HECW1: variants seen among roughly 807,000 people sequenced by gnomAD.
HECW1 encodes HECT, C2 and WW domain containing E3 ubiquitin protein ligase 1.
Under a neutral mutation model 182.3 loss-of-function variants are expected in HECW1, and 61 were observed. The observed-to-expected ratio is 0.33, with a 90% CI of 0.27 to 0.41. HECW1 has a LOEUF of 0.41. Ranked by LOEUF, HECW1 falls within the 10% of genes least tolerant of loss-of-function variation. The probability of loss-of-function intolerance (pLI) is 1.00; values close to 1 mark genes in which losing one functional copy is unlikely to be tolerated. For missense variants in HECW1, 1,739 were observed against 2,108.9 expected, an observed-to-expected ratio of 0.82 and a Z score of 3.44; for synonymous variants, 859 against 832.6, an observed-to-expected ratio of 1.03 and a Z score of -0.55.
intron 9 of HECW1, 32 bp from the exon 10 acceptor site, chr7:43,442,497 C>G (rs1458104734): frequency 6.7e-7 from 1 of 1,489,936 alleles, no homozygotes; most frequent in Non-Finnish European, 9.3e-7. Context: ...GAGGTATTGA[C>G]CAGAACTGTG....
rs186683429 is a variant in HECW1, at chr7:43,409,312, C to T, written c.801+1581C>T. On this transcript the variant is annotated intron_variant, in intron 8 of 29. Transcript: ENST00000395891. ...TCTTAATTTGTTTCTTCAGTCCTGCCTGTGTTCATCAATTATTTCTGAACT... is the reference window on the plus strand; with the variant it reads ...TCTTAATTTGTTTCTTCAGTCCTGCTTGTGTTCATCAATTATTTCTGAACT... Among the ~76,000 whole-genome samples the T allele has an allele frequency of 6.0e-4, 91 of 152,300 alleles. 1 individual carries two copies. Among genetic ancestry groups the T allele is most frequent in the African/African-American group, 2.2e-3 (90 of 41,566 alleles).
intron 8 of HECW1, among the ~76,000 whole-genome samples, chr7:43,436,868 T>C (rs2076729805): frequency 6.6e-6 from 1 of 152,186 alleles, no homozygotes; most frequent in African/African-American, 2.4e-5. Context: ...TTAAAATTTT[T>C]GTGTATATTG....
chr7:43,160,484 A>G (rs919594333), intron 2 of HECW1, among the ~76,000 whole-genome samples: 4 of 152,132 alleles, frequency 2.6e-5, no homozygotes, highest in Non-Finnish European at 5.9e-5. Context: ...TTGATAAAAG[A>G]GAGATATAAT....
intron 5 of HECW1, among the ~76,000 whole-genome samples, chr7:43,359,105 C>T (rs915072926): frequency 3.0e-4 from 46 of 152,248 alleles, no homozygotes; most frequent in African/African-American, 9.4e-4. Flanking sequence ...GGATTACAGG[C>T]GTGAGCCACC....
intron 19 of HECW1, among the ~76,000 whole-genome samples, chr7:43,496,603 C>T (rs1206198811): frequency 6.6e-6 from 1 of 152,134 alleles, no homozygotes; most frequent in Non-Finnish European, 1.5e-5. Flanking sequence ...CTCCTCAGGA[C>T]CCCACCCAGA....
At chr7:43,536,485 C>T (rs1445143589) in intron 24 of HECW1, among the ~76,000 whole-genome samples, 1 of 152,226 alleles carries the variant, frequency 6.6e-6, no homozygotes, top group Non-Finnish European at 1.5e-5. Context: ...CGCCTTGCCT[C>T]CTCTCCTCAG....
rs750047071 is a variant in HECW1, at chr7:43,198,769, TCTCA to T, written c.-31-45104_-31-45101del. Among the ~76,000 whole-genome samples the T allele has an allele frequency of 2.9e-5, 4 of 139,824 alleles. No individual in the cohort carries two copies. In the Admixed American group the frequency reaches 2.9e-4, roughly 10 times the overall value. 91.7% of individuals were successfully genotyped at this position (139,824 alleles called of 152,430 possible). ...TCACACACTATAGATTTGCACACTC[TCTCA>T]CACACACTCCACACTCACGTGCACA... On this transcript the variant is annotated intron_variant, in intron 2 of 29. Coordinates refer to ENST00000395891, the MANE Select transcript of HECW1 (RefSeq NM_015052.5).
At chr7:43,212,569 T>TA (rs1796094113) in intron 2 of HECW1, among the ~76,000 whole-genome samples, 1 of 152,218 alleles carries the variant, frequency 6.6e-6, no homozygotes, top group Non-Finnish European at 1.5e-5. Flanking sequence ...CCAAGGCTAT[T>TA]ACGCTGCACT....
intron 4 of HECW1, 94 bp downstream of exon 4, chr7:43,312,181 G>T: frequency 3.4e-6 from 4 of 1,165,968 alleles, no homozygotes; most frequent in Non-Finnish European, 3.6e-6. Flanking sequence ...AAATATACAA[G>T]CAACTGTGTT....
chr7:43,267,409 T>C (rs1241264331), intron 3 of HECW1, among the ~76,000 whole-genome samples: 2 of 152,098 alleles, frequency 1.3e-5, no homozygotes, highest in Non-Finnish European at 2.9e-5. Flanking sequence ...ATAATGTCAA[T>C]ATAATAATTA....
intron 4 of HECW1, among the ~76,000 whole-genome samples, chr7:43,318,635 T>C (rs559303355): frequency 1.3e-5 from 2 of 152,356 alleles, no homozygotes; most frequent in African/African-American, 4.8e-5. Context: ...GTGACACTAT[T>C]GGCAAATGGC....
chr7:43,237,684 G>A (rs1647186703), intron 2 of HECW1, among the ~76,000 whole-genome samples: 1 of 152,152 alleles, frequency 6.6e-6, no homozygotes, highest in Non-Finnish European at 1.5e-5. Context: ...CAGCTATGTG[G>A]GAGACAGTCA....
intron 8 of HECW1, among the ~76,000 whole-genome samples, chr7:43,422,890 C>T (rs1176430638): frequency 9.9e-5 from 15 of 151,196 alleles, no homozygotes; most frequent in South Asian, 2.1e-4. Flanking sequence ...AGTGCCTGGC[C>T]GAGAGTCGTC....
intron 2 of HECW1, among the ~76,000 whole-genome samples, chr7:43,145,384 C>A (rs1320948182): frequency 6.6e-6 from 1 of 152,186 alleles, no homozygotes; most frequent in African/African-American, 2.4e-5. Flanking sequence ...CAACATCCAC[C>A]TCCTGGGCTC....
chr7:43,124,447 G>T, intron 2 of HECW1, among the ~76,000 whole-genome samples: 1 of 152,208 alleles, frequency 6.6e-6, no homozygotes, highest in East Asian at 1.9e-4. Flanking sequence ...ATAGAATGCT[G>T]TCTGGATAAG....
intron 5 of HECW1, among the ~76,000 whole-genome samples, chr7:43,354,637 G>T (rs1009173324): frequency 3.0e-4 from 46 of 151,996 alleles, no homozygotes; most frequent in African/African-American, 1.1e-3. Flanking sequence ...ACAATAAAAA[G>T]GAACAAAGAT....
intron 8 of HECW1, among the ~76,000 whole-genome samples, chr7:43,414,462 A>C (rs1311247548): frequency 5.4e-5 from 8 of 148,032 alleles, no homozygotes; most frequent in Non-Finnish European, 9.0e-5. Context: ...TCTCCTGCCT[A>C]ATTGCCCTGG....
chr7:43,172,042 C>T (rs904728896), intron 2 of HECW1, among the ~76,000 whole-genome samples: 1 of 151,054 alleles, frequency 6.6e-6, no homozygotes, highest in Non-Finnish European at 1.5e-5. Flanking sequence ...CTTTGGGAGG[C>T]TGAGGCGGGT....
chr7:43,535,817 C>A (rs1255985023), intron 24 of HECW1, among the ~76,000 whole-genome samples: 6 of 152,258 alleles, frequency 3.9e-5, no homozygotes, highest in African/African-American at 1.4e-4. Context: ...CCTTGGGTGA[C>A]AGAGTTGACT....
Sources: gnomAD v4.1 joint callset for allele counts (sites outside exome capture counted in the v4.1 genomes callset) on GRCh38, gnomAD v4.1.1 for gene constraint, MANE v1.5 for transcripts, NCBI Gene and HGNC (gene_info 2026-07-23, HGNC 2026-07-21) for gene names.